The following AXIN1 variants were observed in gnomAD, a reference collection of about 807,000 sequenced individuals.
The protein encoded by AXIN1 is axin-1.
Under a neutral mutation model 76.4 loss-of-function variants are expected in AXIN1, and 30 were observed. The observed-to-expected ratio is 0.39, with a 90% CI of 0.29 to 0.53. The LOEUF is 0.53. Ranked by LOEUF, AXIN1 falls within the 20% of genes least tolerant of loss-of-function variation. AXIN1 has a pLI of 0.66. For missense variants in AXIN1, 1,140 were observed against 1,198.8 expected (o/e 0.95, Z 0.72); for synonymous variants, 545 against 501.4 (o/e 1.09, Z -1.16).
Position 297,071 on chromosome 16 carries a change from C to A in AXIN1, c.1940G>T (p.Arg647Leu), listed in dbSNP as rs751506537. ...GGGTGCTCACCCGTGGCCGGTCCTG[C>A]GGTGCCTGCTGATCTCCTTTTCCCC... ...IEGEKEISRHRRTGHGSSGTR... is the reference protein window; with the variant it reads ...IEGEKEISRHLRTGHGSSGTR... Residue 647 changes from arginine (R) to leucine (L), a missense_variant, in exon 7 of 11, where the codon CGC becomes CTC. By Grantham distance (102) the Arg-to-Leu change is moderately radical. Coordinates refer to ENST00000262320, the MANE Select transcript of AXIN1 (RefSeq NM_003502.4). The A allele has an allele frequency of 6.2e-7, 1 of 1,611,598 alleles. No homozygotes were observed. The highest frequency in any genetic ancestry group is 1.3e-5 in the African/African-American group (1 of 75,042).
chr16:319,482 TTTG>T (rs1334153105), intron 2 of AXIN1, among the ~76,000 whole-genome samples: 1 of 152,070 alleles, frequency 6.6e-6, no homozygotes, highest in African/African-American at 2.4e-5. Flanking sequence ...ACCTGTGGGG[TTTG>T]ACAGCTACAA....
rs2052960252 is a variant in AXIN1 at position 304,374 on chromosome 16, C to T, written c.1184G>A (p.Arg395His). Residue 395 changes from arginine to histidine, a missense_variant, in exon 5 of 11, where the codon CGC becomes CAC. Around this residue, in one of 3 missense-constraint regions of AXIN1, gnomAD observed 708 missense variants for 776.9 expected, o/e 0.91. Transcript: ENST00000262320. ...CCGCGTGCGCTGCACAGCCTCCAGGCGGTGGATGAGCTCCTCCGCGAACTT... is the reference window on the plus strand; with the variant it reads ...CCGCGTGCGCTGCACAGCCTCCAGGTGGTGGATGAGCTCCTCCGCGAACTT... The part of the protein sequence containing the change: ...PQKFAEELIH[R>H]LEAVQRTREA... The T allele has an allele frequency of 6.2e-7, 1 of 1,612,674 alleles. No individual in the cohort carries two copies. The highest frequency in any genetic ancestry group is 8.5e-7 in the Non-Finnish European group (1 of 1,179,910).
intron 2 of AXIN1, among the ~76,000 whole-genome samples, chr16:336,481 G>C (rs983505421): frequency 6.6e-6 from 1 of 152,166 alleles, no homozygotes; most frequent in African/African-American, 2.4e-5. Context: ...ATTGTTAGAT[G>C]AGAACGCAAA....
intron 2 of AXIN1, among the ~76,000 whole-genome samples, chr16:332,637 T>C (rs367784999): frequency 1.1e-3 from 172 of 150,530 alleles, no homozygotes; most frequent in Non-Finnish European, 2.0e-3. Context: ...CAGAAAGATT[T>C]TGATCTAAAC....
At chr16:333,349 T>G (rs1597095475) in intron 2 of AXIN1, among the ~76,000 whole-genome samples, 1 of 142,212 alleles carries the variant, frequency 7.0e-6, no homozygotes, top group Non-Finnish European at 1.5e-5. Context: ...AAAAAATTAG[T>G]GGGGTGTGCT....
chr16:314,082 T>C (rs995025121), intron 3 of AXIN1, among the ~76,000 whole-genome samples: 1 of 152,214 alleles, frequency 6.6e-6, no homozygotes, highest in African/African-American at 2.4e-5. Context: ...TGCCTGTCTT[T>C]AAGCTGAAAC....
At chr16:330,735 T>A (rs1189361574) in intron 2 of AXIN1, among the ~76,000 whole-genome samples, 1 of 152,194 alleles carries the variant, frequency 6.6e-6, no homozygotes, top group African/African-American at 2.4e-5. Flanking sequence ...AACAAAAAAA[T>A]GTTTTATGCT....
intron 1 of AXIN1, 74 bp downstream of exon 1, chr16:352,295 C>T: frequency 1.1e-6 from 1 of 892,036 alleles, no homozygotes; most frequent in Non-Finnish European, 1.3e-6. Context: ...GCCACCCGCG[C>T]CCCCCGCCGC....
At position 293,601 on chromosome 16, in the gene AXIN1, TTGGA is replaced by T; in HGVS notation, c.2069_2072del (p.Ile690LysfsTer14). 2 of 1,612,938 alleles carry T rather than the reference TTGGA, an allele frequency of 1.2e-6. No homozygotes were observed. The highest frequency in any genetic ancestry group is 1.7e-6 in the Non-Finnish European group (2 of 1,179,894). Reference sequence around the variant, plus strand: ...CTGGGTGGGGTGGCATGGTGGGGTCTTGGATGAAGAGGTGGGAGGGCTGCACGGA... The same window carrying T: ...CTGGGTGGGGTGGCATGGTGGGGTCTTGAAGAGGTGGGAGGGCTGCACGGA... On this transcript the variant is annotated frameshift_variant, in exon 8 of 11. Transcript: ENST00000262320. LOFTEE classifies it high-confidence loss of function. The surrounding 1 kb of genome is among the most constrained non-coding windows in gnomAD (Gnocchi z 4.6).
At chr16:294,858 C>A (rs1053312789) in intron 7 of AXIN1, among the ~76,000 whole-genome samples, 1 of 150,548 alleles carries the variant, frequency 6.6e-6, no homozygotes, top group Non-Finnish European at 1.5e-5. Context: ...GTCAAGAGAT[C>A]GAGACCGTCC....
At chr16:316,911 G>A (rs144626016) in intron 2 of AXIN1, among the ~76,000 whole-genome samples, 2 of 152,340 alleles carry the variant, frequency 1.3e-5, no homozygotes, top group East Asian at 3.9e-4. Context: ...CCCGAGGGGT[G>A]ATGACTACCT....
intron 2 of AXIN1, among the ~76,000 whole-genome samples, chr16:320,743 A>ATT (rs71299927): frequency 0.013 from 1,396 of 107,544 alleles, 22 homozygotes; most frequent in East Asian, 0.017. Context: ...ATATATATAT[A>ATT]TTTTTTTTTT....
At chr16:351,129 T>A (rs2054133883) in intron 1 of AXIN1, among the ~76,000 whole-genome samples, 1 of 84,534 alleles carries the variant, frequency 1.2e-5, no homozygotes, top group Non-Finnish European at 2.6e-5. Context: ...CAAAACTCTG[T>A]CTCAAAAAAA....
rs373978217 is a variant in AXIN1 at position 310,393 on chromosome 16, AT to A, written c.1020-325del. 6.6e-5 allele frequency among the ~76,000 whole-genome samples: 10 copies of A among 150,888 alleles called. No individual in the cohort carries two copies. In the South Asian group the frequency reaches 8.4e-4, roughly 13 times the overall value. ...CCTGACAGCTAAGAGTGGTTTCTAC[AT>A]TTTTTTTTCTTCTTTTTTTTGAGAT... On this transcript the variant is annotated intron_variant, in intron 3 of 10. Coordinates refer to ENST00000262320, the MANE Select transcript of AXIN1 (RefSeq NM_003502.4).
At chr16:317,257 T>G (rs549930205) in intron 2 of AXIN1, among the ~76,000 whole-genome samples, 34 of 152,330 alleles carry the variant, frequency 2.2e-4, no homozygotes, top group South Asian at 8.3e-4. Flanking sequence ...GGGGACAGCC[T>G]GTGGCGGTGC....
Position 314,685 on chromosome 16 carries a change from TGCAAACAG to T in AXIN1, c.879-10_879-3del. Reference sequence around the variant, plus strand: ...ACTGGCTCCCGCCAGGATCCATACCTGCAAACAGGCAAGCAGGGCATGTTAGTGACAGC... The same window carrying T: ...ACTGGCTCCCGCCAGGATCCATACCTGCAAGCAGGGCATGTTAGTGACAGC... On this transcript the variant is annotated splice_region_variant and splice_polypyrimidine_tract_variant and intron_variant, in intron 2 of 10. Transcript: ENST00000262320. The T allele has an allele frequency of 6.2e-7, 1 of 1,613,592 alleles. No individual in the cohort carries two copies. Among genetic ancestry groups the T allele is most frequent in the Admixed American group, 1.7e-5 (1 of 60,024 alleles).
intron 2 of AXIN1, among the ~76,000 whole-genome samples, chr16:326,121 G>C (rs903610544): frequency 6.6e-6 from 1 of 151,814 alleles, no homozygotes; most frequent in Non-Finnish European, 1.5e-5. Flanking sequence ...TTGGGAGACT[G>C]AGGTGGGCGG....
intron 7 of AXIN1, among the ~76,000 whole-genome samples, chr16:294,377 C>T (rs2052650071): frequency 6.8e-6 from 1 of 147,142 alleles, no homozygotes; most frequent in African/African-American, 2.5e-5. Flanking sequence ...GCAGGAGAAT[C>T]GCTTGAACCT....
chr16:319,865 T>A (rs1251270369), intron 2 of AXIN1, among the ~76,000 whole-genome samples: 1 of 152,366 alleles, frequency 6.6e-6, no homozygotes, highest in South Asian at 2.1e-4. Flanking sequence ...TTTAGTGTGA[T>A]GTGGAGGGAG....
Sources: gnomAD v4.1 joint callset for allele counts (sites outside exome capture counted in the v4.1 genomes callset) on GRCh38, gnomAD v4.1.1 for gene constraint, gnomAD v4.1.1 regional missense constraint, Gnocchi (gnomAD v3.1) non-coding constraint, MANE v1.5 for transcripts, NCBI Gene and HGNC (gene_info 2026-07-23, HGNC 2026-07-21) for gene names.